Variants in WASHC3 observed in about 807,000 individuals in gnomAD.
The protein encoded by WASHC3 is WASH complex subunit 3.
Under a neutral mutation model 26.1 loss-of-function variants are expected in WASHC3, and 24 were observed. The ratio of observed to expected loss-of-function variants is 0.92; its 90% CI spans 0.66 to 1.29. WASHC3 has a LOEUF of 1.29. Ranked by LOEUF, WASHC3 falls within the 50% of genes most tolerant of loss-of-function variation. WASHC3 has a pLI of 0.00. For synonymous variants in WASHC3, 77 were observed against 75.7 expected, an observed-to-expected ratio of 1.02 and a Z score of -0.09; for missense variants, 214 against 229.6, an observed-to-expected ratio of 0.93 and a Z score of 0.44.
intron 6 of WASHC3, among the ~76,000 whole-genome samples, chr12:102,020,880 G>C (rs1030339490): frequency 6.6e-6 from 1 of 152,164 alleles, no homozygotes; most frequent in Admixed American, 6.5e-5. Context: ...TGAGGAGTTC[G>C]AGACCAGTCT....
chr12:102,045,334 C>T (rs1878115431), intron 3 of WASHC3, among the ~76,000 whole-genome samples: 1 of 152,130 alleles, frequency 6.6e-6, no homozygotes, highest in African/African-American at 2.4e-5. Context: ...ACAAACTAGA[C>T]ATTCTGGTCA....
At chr12:102,057,092 G>A (rs1240531772) in intron 2 of WASHC3, among the ~76,000 whole-genome samples, 4 of 152,022 alleles carry the variant, frequency 2.6e-5, no homozygotes, top group African/African-American at 9.7e-5. Context: ...TTTATCCCTG[G>A]GATACAAGGA....
At position 102,039,941 on chromosome 12, in the gene WASHC3, T is replaced by C; in HGVS notation, c.362A>G (p.Glu121Gly). The C allele has an allele frequency of 6.2e-7, 1 of 1,602,428 alleles. No individual in the cohort carries two copies. The highest frequency in any genetic ancestry group is 8.5e-7 in the Non-Finnish European group (1 of 1,169,814). The change falls in exon 5 of 7, where the codon GAA becomes GGA. Residue 121 changes from glutamate (E) to glycine (G), a missense_variant. Physicochemically the swap from Glu to Gly is moderately conservative, Grantham distance 98. Coordinates refer to ENST00000240079, the MANE Select transcript of WASHC3 (RefSeq NM_016053.4). ...STQDSGLQES[E>G]VSAENILTVA... The stretch of plus-strand genomic sequence containing the variant: ...AGTTAAGATATTTTCTGCTGATACT[T>C]CACTTTCCTGTAGTCCAGAGTCTTG...
In WASHC3 at chr12:102,061,245, T is replaced by A. The variant is rs914758495; in HGVS notation, c.150+3A>T. 1 of 1,608,064 alleles carries A rather than the reference T, an allele frequency of 6.2e-7. No homozygotes were observed. Among genetic ancestry groups the A allele is most frequent in the African/African-American group, 1.3e-5 (1 of 74,816 alleles). ...CTCTATAAACCAGTATCACCGGACCTACCTCCTCACAAACTGTAGAAAAGC... is the reference window on the plus strand; with the variant it reads ...CTCTATAAACCAGTATCACCGGACCAACCTCCTCACAAACTGTAGAAAAGC... On this transcript the variant is annotated splice_donor_region_variant and intron_variant, in intron 2 of 6. Transcript: ENST00000240079.
At chr12:102,051,278 G>C (rs571271726) in intron 2 of WASHC3, among the ~76,000 whole-genome samples, 3 of 151,830 alleles carry the variant, frequency 2.0e-5, no homozygotes, top group South Asian at 4.2e-4. Flanking sequence ...AACAGTTGAG[G>C]TTCCTCTTTT....
At chr12:102,037,321 A>AAG (rs1385112489) in intron 5 of WASHC3, among the ~76,000 whole-genome samples, 9 of 152,194 alleles carry the variant, frequency 5.9e-5, no homozygotes, top group Admixed American at 5.9e-4. Flanking sequence ...CTTTGTAGGG[A>AAG]AGAGAGAGAG....
At chr12:102,050,761 G>A (rs1219179110) in intron 2 of WASHC3, 2 of 350,758 alleles carry the variant, frequency 5.7e-6, no homozygotes, top group East Asian at 1.6e-4. Context: ...AAGGTTAAAT[G>A]CTCAGGTTTC....
intron 6 of WASHC3, among the ~76,000 whole-genome samples, chr12:102,017,276 C>T (rs369161092): frequency 6.6e-6 from 1 of 152,042 alleles, no homozygotes; most frequent in Admixed American, 6.5e-5. Context: ...CACTCTATGA[C>T]GTTTGCACAA....
chr12:102,023,033 T>C (rs1196663620), intron 6 of WASHC3, among the ~76,000 whole-genome samples: 1 of 152,122 alleles, frequency 6.6e-6, no homozygotes, highest in Non-Finnish European at 1.5e-5. Flanking sequence ...TAAATGATTA[T>C]TTTCAAAAAC....
Position 102,044,345 on chromosome 12 carries a change from T to A in WASHC3, c.217-133A>T, listed in dbSNP as rs556826781. The stretch of plus-strand genomic sequence containing the variant: ...ATCTTGTCTTTAATTTTCCATGTCA[T>A]AAACTAAAAGTGAAAGACGGTCACA... On this transcript the variant is annotated intron_variant, in intron 3 of 6. Transcript: ENST00000240079. 4 of 388,512 alleles carry A rather than the reference T, an allele frequency of 1.0e-5. No homozygotes were observed. The East Asian group carries it at 1.2e-4, about 12-fold the overall frequency. The allele number at this position is 388,512 out of a possible 1,614,324, so 24.1% of individuals were successfully genotyped here.
chr12:102,023,000 C>T (rs1168759083), intron 6 of WASHC3, among the ~76,000 whole-genome samples: 1 of 151,794 alleles, frequency 6.6e-6, no homozygotes, highest in Non-Finnish European at 1.5e-5. Flanking sequence ...AGAAGCTAAA[C>T]AGGACTAATT....
Position 102,013,072 on chromosome 12 carries a change from C to G in WASHC3, c.*36G>C. ...TCTCTTACAGAATGTAAATGTACCC[C>G]TATGCATGCATATGTAATTCTTATC... On this transcript the variant is annotated 3_prime_UTR_variant, in exon 7 of 7. Transcript: ENST00000240079. 1 of 894,392 alleles carries G rather than the reference C, an allele frequency of 1.1e-6. No individual in the cohort carries two copies. Among genetic ancestry groups the G allele is most frequent in the Non-Finnish European group, 1.8e-6 (1 of 557,542 alleles). 55.4% of individuals were successfully genotyped at this position (894,392 alleles called of 1,614,324 possible).
intron 5 of WASHC3, among the ~76,000 whole-genome samples, chr12:102,032,684 ATC>A: frequency 6.6e-6 from 1 of 152,144 alleles, no homozygotes; most frequent in Admixed American, 6.5e-5. Flanking sequence ...TAGATCATAA[ATC>A]TAAAAGGAAC....
At chr12:102,031,365 G>C (rs143457932) in intron 5 of WASHC3, among the ~76,000 whole-genome samples, 39 of 152,244 alleles carry the variant, frequency 2.6e-4, no homozygotes, top group African/African-American at 8.9e-4. Flanking sequence ...GTAGAAGGAG[G>C]AGGACAAATG....
chr12:102,043,054 A>T (rs2136671423), intron 4 of WASHC3, among the ~76,000 whole-genome samples: 2 of 152,278 alleles, frequency 1.3e-5, no homozygotes, highest in Middle Eastern at 6.8e-3. Context: ...ATCTTCAAAA[A>T]CACACTGGTA....
chr12:102,027,200 C>T (rs1334482520), intron 5 of WASHC3, among the ~76,000 whole-genome samples: 1 of 152,124 alleles, frequency 6.6e-6, no homozygotes, highest in Admixed American at 6.6e-5. Flanking sequence ...AATTCTCTCC[C>T]ATAGCTATTT....
intron 4 of WASHC3, among the ~76,000 whole-genome samples, chr12:102,042,657 G>T (rs2136670899): frequency 6.6e-6 from 1 of 152,270 alleles, no homozygotes. Flanking sequence ...TTTATGAAAG[G>T]CACTTAGAAA....
In WASHC3 at chr12:102,013,168, A is replaced by C; in HGVS notation, c.525T>G (p.Asp175Glu). 6.5e-7 allele frequency: 1 copy of C among 1,547,336 alleles called. No individual in the cohort carries two copies. Among genetic ancestry groups the C allele is most frequent in the South Asian group, 1.2e-5 (1 of 84,230 alleles). Residue 175 changes from aspartate to glutamate, a missense_variant, in exon 7 of 7, where the codon GAT becomes GAG. Coordinates refer to ENST00000240079, the MANE Select transcript of WASHC3 (RefSeq NM_016053.4). ...CTTCTACAGTTTTCTCACTTTCGCC[A>C]TCAGGCACTGGAGCATCTGGCCTCC... The part of the protein sequence containing the change: ...LLERPDAPVP[D>E]GESEKTVEES...
At chr12:102,032,401 G>C (rs1366602579) in intron 5 of WASHC3, among the ~76,000 whole-genome samples, 1 of 152,138 alleles carries the variant, frequency 6.6e-6, no homozygotes, top group African/African-American at 2.4e-5. Context: ...TGATCTGCCA[G>C]TAAAAAGGGG....
Sources: gnomAD v4.1 joint callset for allele counts (sites outside exome capture counted in the v4.1 genomes callset) on GRCh38, gnomAD v4.1.1 for gene constraint, MANE v1.5 for transcripts, NCBI Gene and HGNC (gene_info 2026-07-23, HGNC 2026-07-21) for gene names.